Variants in ASS1 observed in about 807,000 individuals in gnomAD.
ASS1 encodes argininosuccinate synthase 1.
Under a neutral mutation model 60.5 loss-of-function variants are expected in ASS1, and 58 were observed. The ratio of observed to expected loss-of-function variants is 0.96; its 90% CI spans 0.78 to 1.19. The LOEUF (loss-of-function observed/expected upper bound fraction) is 1.19, where lower values mean the gene tolerates loss of function less well. ASS1 is among the 50% of genes most tolerant of loss of function. ASS1 has a pLI of 0.00. For missense variants in ASS1, 454 were observed against 547.3 expected, an observed-to-expected ratio of 0.83 and a Z score of 1.70; for synonymous variants, 200 against 206.9, an observed-to-expected ratio of 0.97 and a Z score of 0.29.
At chr9:130,498,752 C>T (rs1846665019) in intron 13 of ASS1, among the ~76,000 whole-genome samples, 1 of 152,108 alleles carries the variant, frequency 6.6e-6, no homozygotes, top group Non-Finnish European at 1.5e-5. Context: ...TGGCGGGTGG[C>T]GGAAACAGGA....
intron 6 of ASS1, among the ~76,000 whole-genome samples, chr9:130,467,652 G>C (rs1028892217): frequency 2.6e-5 from 4 of 152,160 alleles, no homozygotes; most frequent in Non-Finnish European, 5.9e-5. Flanking sequence ...TTATTAAGAG[G>C]GGAGTTTACA....
intron 1 of ASS1, among the ~76,000 whole-genome samples, chr9:130,446,630 T>C (rs1258219666): frequency 6.6e-6 from 1 of 152,174 alleles, no homozygotes; most frequent in Admixed American, 6.5e-5. Context: ...CATTCCTGAG[T>C]GCTTGGGAAG....
chr9:130,449,597 C>T (rs934179151), intron 1 of ASS1, among the ~76,000 whole-genome samples: 2 of 152,060 alleles, frequency 1.3e-5, no homozygotes, highest in African/African-American at 4.8e-5. Flanking sequence ...CAGTGGTGGT[C>T]TTGTACCTAT....
chr9:130,452,755 TG>T (rs1426510106), intron 2 of ASS1, among the ~76,000 whole-genome samples: 3 of 152,170 alleles, frequency 2.0e-5, no homozygotes, highest in Admixed American at 1.3e-4. Flanking sequence ...GGAAGGACCC[TG>T]GGGGATCACC....
intron 6 of ASS1, among the ~76,000 whole-genome samples, chr9:130,467,248 CG>C (rs1322477220): frequency 6.6e-6 from 1 of 152,106 alleles, no homozygotes; most frequent in African/African-American, 2.4e-5. Context: ...GCGCTTTCCC[CG>C]GGAACAGGTA....
rs535384929 is a variant in ASS1 at position 130,476,517 on chromosome 9, G to C, written c.598-354G>C. 2 of 431,794 alleles carry C rather than the reference G, an allele frequency of 4.6e-6. No individual in the cohort carries two copies. The highest frequency in any genetic ancestry group is 4.9e-5 in the East Asian group (1 of 20,370). 26.7% of individuals were successfully genotyped at this position (431,794 alleles called of 1,614,324 possible). A position where few individuals can be genotyped will look rare whatever the true frequency, so the allele number is the denominator to read the frequency against. ...CAATCCCGAGCCGGCGAGAGCGTGC[G>C]TGCCGCTCCTGGGAAGCCCTCGGAA... On this transcript the variant is annotated intron_variant, in intron 8 of 14. Coordinates refer to ENST00000352480, the MANE Select transcript of ASS1 (RefSeq NM_054012.4). The surrounding 1 kb of genome is among the most constrained non-coding windows in gnomAD (Gnocchi z 4.9).
At chr9:130,450,062 G>T (rs367775083) in intron 1 of ASS1, among the ~76,000 whole-genome samples, 1 of 152,160 alleles carries the variant, frequency 6.6e-6, no homozygotes, top group Non-Finnish European at 1.5e-5. Flanking sequence ...GCCATCACAC[G>T]CAAACAGGGG....
rs865774308 is a variant in ASS1, at chr9:130,470,765, G to T, written c.496-69G>T. 4.8e-6 allele frequency: 7 copies of T among 1,466,184 alleles called. No homozygotes were observed. The Middle Eastern group carries it at 1.2e-3, about 254-fold the overall frequency. 90.8% of individuals were successfully genotyped at this position (1,466,184 alleles called of 1,614,324 possible). A position where few individuals can be genotyped will look rare whatever the true frequency, so the allele number is the denominator to read the frequency against. Reference sequence around the variant, plus strand: ...GTTTGGGGCTCTCTGAAAAAGCAGGGCCCCTGGGACGGACCTCACGCGTCC... The same window carrying T: ...GTTTGGGGCTCTCTGAAAAAGCAGGTCCCCTGGGACGGACCTCACGCGTCC... On this transcript the variant is annotated intron_variant, in intron 6 of 14. Coordinates refer to ENST00000352480, the MANE Select transcript of ASS1 (RefSeq NM_054012.4). This position sits in a 1 kb window ranked among gnomAD's most constrained non-coding sequence, Gnocchi z 4.3.
intron 4 of ASS1, among the ~76,000 whole-genome samples, chr9:130,461,560 C>T (rs1183989322): frequency 1.3e-5 from 2 of 152,100 alleles, no homozygotes; most frequent in African/African-American, 4.8e-5. Flanking sequence ...CCGGGGATGC[C>T]GGGGAGTAGG....
chr9:130,479,801 G>GTGAGTGTCTGCAGCCCTGTCCGGCCTCT lies in ASS1; in HGVS notation c.773+4_773+31dup, dbSNP rs768271017. On this transcript the variant is annotated splice_donor_variant, in intron 10 of 14. Coordinates refer to ENST00000352480, the MANE Select transcript of ASS1 (RefSeq NM_054012.4). LOFTEE classifies it high-confidence loss of function. ...TCTTCATGTACCTGAACGAAGTCGC[G>GTGAGTGTCTGCAGCCCTGTCCGGCCTCT]TGAGTGTCTGCAGCCCTGTCCGGCC... is the stretch of plus-strand genomic sequence containing the variant. 56 of 1,613,698 alleles carry GTGAGTGTCTGCAGCCCTGTCCGGCCTCT rather than the reference G, an allele frequency of 3.5e-5. No homozygotes were observed. The highest frequency in any genetic ancestry group is 4.7e-5 in the Non-Finnish European group (56 of 1,179,664).
intron 13 of ASS1, among the ~76,000 whole-genome samples, chr9:130,498,273 G>A (rs1396641646): frequency 3.9e-5 from 6 of 152,130 alleles, no homozygotes; most frequent in African/African-American, 7.2e-5. Flanking sequence ...CCCCTACCTC[G>A]AGAACCTTGA....
intron 3 of ASS1, among the ~76,000 whole-genome samples, chr9:130,454,913 T>C (rs1425120377): frequency 6.8e-6 from 1 of 146,258 alleles, no homozygotes; most frequent in African/African-American, 2.6e-5. Flanking sequence ...CATCCACCCA[T>C]CCATTATCCA....
rs995625460 is a variant in ASS1, at chr9:130,456,743, A to T, written c.175-1658A>T. On this transcript the variant is annotated intron_variant, in intron 3 of 14. Coordinates refer to ENST00000352480, the MANE Select transcript of ASS1 (RefSeq NM_054012.4). ...AGTGGGCAGATCTCTTGAGGTCAGG[A>T]GTTTGAGACCAGCCTGGCCAACCAG... Among the ~76,000 whole-genome samples the T allele has an allele frequency of 3.3e-5, 5 of 152,130 alleles. No individual in the cohort carries two copies. The East Asian group carries it at 9.7e-4, about 30-fold the overall frequency.
chr9:130,458,007 A>T (rs1202323529), intron 3 of ASS1, among the ~76,000 whole-genome samples: 1 of 151,970 alleles, frequency 6.6e-6, no homozygotes, highest in African/African-American at 2.4e-5. Flanking sequence ...AAAAATACAA[A>T]AATTAGCAAG....
At chr9:130,497,384 C>T (rs1302895724) in intron 13 of ASS1, among the ~76,000 whole-genome samples, 2 of 152,060 alleles carry the variant, frequency 1.3e-5, no homozygotes, top group East Asian at 1.9e-4. Context: ...CTGGAAATGC[C>T]GTGGCTCAGT....
At chr9:130,454,671 T>A (rs559911360) in intron 3 of ASS1, among the ~76,000 whole-genome samples, 1 of 152,236 alleles carries the variant, frequency 6.6e-6, no homozygotes, top group South Asian at 2.1e-4. Flanking sequence ...TATCTCTGTT[T>A]ATCTACTCGT....
chr9:130,469,593 G>A (rs1845822700), intron 6 of ASS1, among the ~76,000 whole-genome samples: 1 of 152,000 alleles, frequency 6.6e-6, no homozygotes, highest in Admixed American at 6.6e-5. Context: ...GTTATCTTTA[G>A]TAGAGATAAG....
At chr9:130,481,653 G>A (rs1174456486) in intron 11 of ASS1, among the ~76,000 whole-genome samples, 1 of 152,216 alleles carries the variant, frequency 6.6e-6, no homozygotes, top group African/African-American at 2.4e-5. Flanking sequence ...TTCCCCAAGT[G>A]TAATGCGGTA....
Position 130,483,752 on chromosome 9 carries a change from T to C in ASS1, c.838+3303T>C, listed in dbSNP as rs976959375. ...CCTGCCCCCGCCTTGCTCCTCCTCC[T>C]TGCCTTCCTTTCCTCCTCCCTCTCT... On this transcript the variant is annotated intron_variant, in intron 11 of 14. Coordinates refer to ENST00000352480, the MANE Select transcript of ASS1 (RefSeq NM_054012.4). Among the ~76,000 whole-genome samples, 282 of 48,272 alleles carry C rather than the reference T, an allele frequency of 5.8e-3. 1 individual carries two copies. The highest frequency in any genetic ancestry group is 0.032 in the African/African-American group (273 of 8,572). 31.7% of individuals were successfully genotyped at this position (48,272 alleles called of 152,430 possible).
Sources: gnomAD v4.1 joint callset for allele counts (sites outside exome capture counted in the v4.1 genomes callset) on GRCh38, gnomAD v4.1.1 for gene constraint, Gnocchi (gnomAD v3.1) non-coding constraint, MANE v1.5 for transcripts, NCBI Gene and HGNC (gene_info 2026-07-23, HGNC 2026-07-21) for gene names.